The following HOXA3 variants were observed in gnomAD, a reference collection of about 807,000 sequenced individuals.
HOXA3 encodes homeobox A3.
Under a neutral mutation model 30.3 loss-of-function variants are expected in HOXA3, and 8 were observed. That is an observed-to-expected ratio of 0.26 (90% confidence interval 0.15 to 0.48). The LOEUF (loss-of-function observed/expected upper bound fraction) is 0.48. Among genes scored for constraint, HOXA3 ranks in the 20% least tolerant of loss-of-function variants. The probability of loss-of-function intolerance (pLI) is 0.99; values close to 1 mark genes in which losing one functional copy is unlikely to be tolerated. For synonymous variants in HOXA3, 323 were observed against 273.1 expected (o/e 1.18, Z -1.80); for missense variants, 653 against 614.4 (o/e 1.06, Z -0.66).
chr7:27,145,462 GT>G, intron 1 of HOXA3: 1 of 659,616 alleles, frequency 1.5e-6, no homozygotes, highest in South Asian at 1.9e-5. Context: ...GTTTTGTTTT[GT>G]TTTGTTTTGT....
intron 1 of HOXA3, 24 bp downstream of exon 1, chr7:27,152,264 C>A (rs1472954763): frequency 4.9e-5 from 63 of 1,274,700 alleles, no homozygotes; most frequent in Non-Finnish European, 5.8e-5. Context: ...ACCTTTGCTC[C>A]TATCTCCTCC....
At chr7:27,129,684 A>G in intron 2 of HOXA3, 1 of 1,153,768 alleles carries the variant, frequency 8.7e-7, no homozygotes, top group Non-Finnish European at 1.3e-6. Context: ...TCATCATTAT[A>G]TAATAACCTG....
chr7:27,137,219 G>A (rs1390140565), intron 2 of HOXA3, among the ~76,000 whole-genome samples: 1 of 152,152 alleles, frequency 6.6e-6, no homozygotes, highest in Non-Finnish European at 1.5e-5. Flanking sequence ...ATTCTGTCTT[G>A]CTCTCTCAGA....
chr7:27,143,506 G>A, intron 1 of HOXA3: 2 of 1,613,862 alleles, frequency 1.2e-6, no homozygotes, highest in Non-Finnish European at 1.7e-6. Context: ...CCGAGTCCCT[G>A]AATTGCTCGC....
At chr7:27,120,338 C>T (rs934275453) in intron 4 of HOXA3, among the ~76,000 whole-genome samples, 20 of 151,976 alleles carry the variant, frequency 1.3e-4, no homozygotes, top group African/African-American at 3.6e-4. Context: ...GTCAGCAGTT[C>T]GAGACCAGCC....
rs1291068687 is a variant in HOXA3 at position 27,145,518 on chromosome 7, G to A, written c.-493-5332C>T. 10 of 954,582 alleles carry A rather than the reference G, an allele frequency of 1.0e-5. No homozygotes were observed. In the East Asian group the frequency reaches 2.2e-4, roughly 21 times the overall value. 59.1% of individuals were successfully genotyped at this position (954,582 alleles called of 1,614,324 possible). On this transcript the variant is annotated intron_variant, in intron 1 of 5. Transcript: ENST00000612286. ...TTTTGTAAGAAATAAATGCACAGAC[G>A]CTTGCAAAGCTCCGGGCTCCCCTGA...
At chr7:27,130,279 G>C in intron 2 of HOXA3, 4 of 1,124,194 alleles carry the variant, frequency 3.6e-6, no homozygotes, top group Non-Finnish European at 4.3e-6. Context: ...CCGCGGGGCC[G>C]CTGGGGGCAC....
intron 2 of HOXA3, among the ~76,000 whole-genome samples, chr7:27,138,683 G>T (rs1402343579): frequency 6.6e-6 from 1 of 152,158 alleles, no homozygotes; most frequent in Admixed American, 6.5e-5. Context: ...GGCCAGAAGG[G>T]GTGACTGGGG....
Position 27,108,550 on chromosome 7 carries a change from G to T in HOXA3, c.697C>A (p.Arg233Ser). 3 of 1,614,132 alleles carry T rather than the reference G, an allele frequency of 1.9e-6. No homozygotes were observed. The highest frequency in any genetic ancestry group is 2.5e-6 in the Non-Finnish European group (3 of 1,180,004). Reference sequence around the variant, plus strand: ...TTCTGGAACCAGATCTTGATCTGGCGCTCAGTGAGGTTCAGCAGATTGGCC... The same window carrying T: ...TTCTGGAACCAGATCTTGATCTGGCTCTCAGTGAGGTTCAGCAGATTGGCC... ...EMANLLNLTERQIKIWFQNRR... is the reference protein window; with the variant it reads ...EMANLLNLTESQIKIWFQNRR... The change falls in exon 6 of 6, where the codon CGC becomes AGC. Residue 233 changes from arginine to serine, a missense_variant. This residue lies in a region of HOXA3 where 320 missense variants were observed against 321.9 expected (regional missense o/e 0.99). Coordinates refer to ENST00000612286, the MANE Select transcript of HOXA3 (RefSeq NM_153631.3). This position sits in a 1 kb window ranked among gnomAD's most constrained non-coding sequence, Gnocchi z 5.0.
intron 2 of HOXA3, among the ~76,000 whole-genome samples, chr7:27,138,943 A>G (rs1357426409): frequency 6.6e-6 from 1 of 152,176 alleles, no homozygotes; most frequent in Non-Finnish European, 1.5e-5. Context: ...CACTGAAGAC[A>G]CCTCAATTTC....
chr7:27,114,407 A>C (rs59240463), intron 4 of HOXA3, among the ~76,000 whole-genome samples: 10,612 of 151,584 alleles, frequency 0.07, 756 homozygotes, highest in African/African-American at 0.18. Context: ...GACTTTGCCC[A>C]GTTTACTTCA....
intron 4 of HOXA3, chr7:27,115,981 G>C (rs556479172): frequency 6.6e-6 from 1 of 152,658 alleles, no homozygotes; most frequent in Non-Finnish European, 1.5e-5. Flanking sequence ...TTATTTGTTG[G>C]TTTGCTATTG....
chr7:27,140,714 C>G (rs900328674), intron 1 of HOXA3, among the ~76,000 whole-genome samples: 1 of 152,128 alleles, frequency 6.6e-6, no homozygotes, highest in African/African-American at 2.4e-5. Context: ...AGGAAAGAGG[C>G]AGGATCTGTG....
intron 4 of HOXA3, among the ~76,000 whole-genome samples, chr7:27,117,002 A>C (rs1264681047): frequency 6.6e-6 from 1 of 152,138 alleles, no homozygotes; most frequent in Non-Finnish European, 1.5e-5. Context: ...AAAGGGGCAC[A>C]TCCGACCTCT....
Position 27,110,376 on chromosome 7 carries a change from G to A in HOXA3, c.265C>T (p.Pro89Ser). ...GCCTGGGGCGGCGGCGGGTGCAGGGGCGGCTCTCCCAGGCTTGGAGGCTGG... is the reference window on the plus strand; with the variant it reads ...GCCTGGGGCGGCGGCGGGTGCAGGGACGGCTCTCCCAGGCTTGGAGGCTGG... ...PSQPPSLGEP[P>S]LHPPPPQAAP... Residue 89 changes from proline (P) to serine (S), a missense_variant, in exon 5 of 6, where the codon CCC (proline) becomes TCC (serine). Physicochemically the swap from Pro to Ser is moderately conservative, Grantham distance 74 (BLOSUM62 -1). Coordinates refer to ENST00000612286, the MANE Select transcript of HOXA3 (RefSeq NM_153631.3). 1 of 1,518,262 alleles carries A rather than the reference G, an allele frequency of 6.6e-7. No homozygotes were observed. Among genetic ancestry groups the A allele is most frequent in the Non-Finnish European group, 8.8e-7 (1 of 1,137,276 alleles). 94.0% of individuals were successfully genotyped at this position (1,518,262 alleles called of 1,614,324 possible).
intron 4 of HOXA3, chr7:27,121,218 T>TGC (rs1554337531): frequency 3.8e-5 from 4 of 106,552 alleles, no homozygotes; most frequent in Non-Finnish European, 7.7e-5. Flanking sequence ...GCCCACTGTG[T>TGC]GCGTGTGTGT....
At chr7:27,122,675 CG>C (rs1785077812) in intron 3 of HOXA3, 33 bp from the exon 4 acceptor site, 1 of 152,142 alleles carries the variant, frequency 6.6e-6, no homozygotes, top group African/African-American at 2.4e-5. Flanking sequence ...AGGTGAATGG[CG>C]GCTGCGAGGG....
chr7:27,139,974 A>G (rs1021133695), intron 2 of HOXA3, 109 bp downstream of exon 2: 1 of 149,166 alleles, frequency 6.7e-6, no homozygotes, highest in African/African-American at 2.5e-5. Context: ...GCCTTTTCGA[A>G]TTCAGAGGCA....
At chr7:27,129,422 C>G (rs757076377) in intron 2 of HOXA3, 14 of 1,614,000 alleles carry the variant, frequency 8.7e-6, no homozygotes. Context: ...ACCTGGCGCT[C>G]AGACAAACAG....
Sources: allele counts gnomAD v4.1 joint callset (sites outside exome capture counted in the v4.1 genomes callset), GRCh38; gene constraint gnomAD v4.1.1; regional missense constraint gnomAD v4.1.1; non-coding constraint Gnocchi (gnomAD v3.1); transcripts MANE v1.5; gene names NCBI Gene and HGNC (gene_info 2026-07-23, HGNC 2026-07-21).